ERCC6L: variants seen among roughly 807,000 people sequenced by gnomAD.
ERCC6L encodes the protein DNA excision repair protein ERCC-6-like.
A neutral mutation model predicts 20.1 loss-of-function variants in ERCC6L; 7 were observed. The observed-to-expected ratio is 0.35, with a 90% CI of 0.20 to 0.65. The LOEUF (loss-of-function observed/expected upper bound fraction) is 0.65, where lower values mean the gene tolerates loss of function less well. Among genes scored for constraint, ERCC6L ranks in the 30% least tolerant of loss-of-function variants. The pLI, the probability that ERCC6L is intolerant of heterozygous loss-of-function variation, is 0.69. For missense variants in ERCC6L, 592 were observed against 892.4 expected (o/e 0.66, Z 4.29); for synonymous variants, 278 against 331.3 (o/e 0.84, Z 1.75).
Position 72,225,949 on chromosome X carries a change from C to G in ERCC6L, c.68+12895G>C, listed in dbSNP as rs370687129. ...CTTTGCTTAAAAATTTTGGTCACAG[C>G]CCCTCTAATTATCCCTGAGGCACAA... On this transcript the variant is annotated intron_variant, in intron 1 of 1. Coordinates refer to ENST00000334463, the MANE Select transcript of ERCC6L (RefSeq NM_017669.4). Among the ~76,000 whole-genome samples the G allele has an allele frequency of 2.9e-4, 33 of 111,917 alleles. No individual in the cohort carries two copies. In the East Asian group the frequency reaches 6.7e-3, roughly 23 times the overall value.
At chrX:72,219,573 C>T (rs1186863676) in intron 1 of ERCC6L, among the ~76,000 whole-genome samples, 3 of 103,450 alleles carry the variant, frequency 2.9e-5, no homozygotes, top group Non-Finnish European at 5.9e-5. Flanking sequence ...ATAGACTAGG[C>T]GTGATAGCTC....
intron 1 of ERCC6L, 116 bp downstream of exon 1, chrX:72,238,728 C>G: frequency 1.2e-5 from 8 of 641,697 alleles, no homozygotes; most frequent in Non-Finnish European, 1.7e-5. Context: ...AGCGCGAGCG[C>G]GCGTCTCAAA....
At chrX:72,226,673 AG>A (rs200365928) in intron 1 of ERCC6L, among the ~76,000 whole-genome samples, 1,787 of 111,838 alleles carry the variant, frequency 0.016, 23 homozygotes, top group Middle Eastern at 0.028. Flanking sequence ...CGTGAGGCTG[AG>A]TATTGGGCAA....
intron 1 of ERCC6L, among the ~76,000 whole-genome samples, chrX:72,219,288 T>G (rs1355963072): frequency 9.4e-6 from 1 of 106,347 alleles, no homozygotes; most frequent in Non-Finnish European, 1.9e-5. Flanking sequence ...GTGCGGTGGC[T>G]CATGCCTGTA....
rs1194296925 is a variant in ERCC6L at position 72,207,480 on chromosome X, T to C, written c.1287A>G (p.Thr429=). The C allele has an allele frequency of 1.7e-6, 2 of 1,210,319 alleles. No individual in the cohort carries two copies. Among genetic ancestry groups the C allele is most frequent in the African/African-American group, 1.7e-5 (1 of 57,755 alleles). Residue 429 remains threonine (T), a synonymous_variant, in exon 2 of 2, where the codon ACA becomes ACG. Transcript: ENST00000334463. ...CCTCATTTCCATCTTGAGCAGAGAA[T>C]GTCCCAAGATTTAGCAAACAACAAG... The part of the protein sequence containing the change: ...ARACCLLNLG[T]FSAQDGNEGE...
intron 1 of ERCC6L, among the ~76,000 whole-genome samples, chrX:72,231,318 C>T (rs1318876969): frequency 2.7e-5 from 3 of 111,294 alleles, no homozygotes; most frequent in African/African-American, 9.8e-5. Context: ...AAACCAGGCA[C>T]GGAGAGACAA....
At chrX:72,226,312 A>G (rs921446681) in intron 1 of ERCC6L, among the ~76,000 whole-genome samples, 2 of 112,084 alleles carry the variant, frequency 1.8e-5, no homozygotes, top group African/African-American at 6.5e-5. Flanking sequence ...CAAGCAGGGT[A>G]TGCTATCATT....
intron 1 of ERCC6L, among the ~76,000 whole-genome samples, chrX:72,217,142 G>A (rs986710369): frequency 6.3e-5 from 7 of 111,900 alleles, no homozygotes; most frequent in African/African-American, 2.3e-4. Context: ...GCATGTAGGA[G>A]GATGCTTCCT....
chrX:72,223,297 G>A (rs1348911303), intron 1 of ERCC6L, among the ~76,000 whole-genome samples: 6 of 98,890 alleles, frequency 6.1e-5, no homozygotes, highest in Non-Finnish European at 2.0e-5. Context: ...CTGAGATCAC[G>A]CCATTGCACT....
chrX:72,205,337 C>T lies in ERCC6L; in HGVS notation c.3430G>A (p.Glu1144Lys), dbSNP rs144948480. The T allele has an allele frequency of 5.0e-6, 6 of 1,210,559 alleles. No homozygotes were observed. The highest frequency in any genetic ancestry group is 6.7e-6 in the Non-Finnish European group (6 of 895,395). ...GACAGTGTTTCTCCGGAAGGATCCT[C>T]TTCTGTATACTTGGAGGCTTCGCCA... ...SSGEASKYTEEDPSGETLSSE... is the reference protein window; with the variant it reads ...SSGEASKYTEKDPSGETLSSE... The change falls in exon 2 of 2, where the codon GAG (glutamate) becomes AAG (lysine). Residue 1144 changes from glutamate (E) to lysine (K), a missense_variant. Physicochemically the swap from Glu to Lys is moderately conservative, Grantham distance 56 (BLOSUM62 1). Around this residue, in one of 3 missense-constraint regions of ERCC6L, gnomAD observed 352 missense variants for 402.6 expected, o/e 0.87. Coordinates refer to ENST00000334463, the MANE Select transcript of ERCC6L (RefSeq NM_017669.4).
chrX:72,218,855 G>T (rs1161203801), intron 1 of ERCC6L, among the ~76,000 whole-genome samples: 1 of 112,251 alleles, frequency 8.9e-6, no homozygotes, highest in Non-Finnish European at 1.9e-5. Context: ...TTTTATTTAG[G>T]CCTTCTTAAA....
rs1602435090 is a variant in ERCC6L at position 72,205,200 on chromosome X, G to C, written c.3567C>G (p.Pro1189=). The C allele has an allele frequency of 8.3e-7, 1 of 1,211,209 alleles. No homozygotes were observed. The highest frequency in any genetic ancestry group is 1.7e-5 in the African/African-American group (1 of 57,689). Residue 1189 remains proline (P), a synonymous_variant, in exon 2 of 2, where the codon CCC becomes CCG. Coordinates refer to ENST00000334463, the MANE Select transcript of ERCC6L (RefSeq NM_017669.4). Reference sequence around the variant, plus strand: ...TTGTAGCCTCTGCCGCCTTATCCTGGGGAGAACCAACCAACTGTTCACCAG... The same window carrying C: ...TTGTAGCCTCTGCCGCCTTATCCTGCGGAGAACCAACCAACTGTTCACCAG... ...PLSGEQLVGS[P]QDKAAEATND...
chrX:72,217,793 G>A (rs2042894689), intron 1 of ERCC6L, among the ~76,000 whole-genome samples: 1 of 111,289 alleles, frequency 9.0e-6, no homozygotes, highest in Admixed American at 9.5e-5. Context: ...GCAAGTGCCT[G>A]AAATATGGGC....
At chrX:72,210,667 A>G (rs1162264352) in intron 1 of ERCC6L, among the ~76,000 whole-genome samples, 2 of 111,281 alleles carry the variant, frequency 1.8e-5, no homozygotes, top group Admixed American at 9.6e-5. Flanking sequence ...CACACACGCC[A>G]GCCTTTTAAA....
In ERCC6L at chrX:72,223,898, C is replaced by T. The variant is rs1184567937; in HGVS notation, c.68+14946G>A. Among the ~76,000 whole-genome samples, 4 of 111,105 alleles carry T rather than the reference C, an allele frequency of 3.6e-5. No individual in the cohort carries two copies. The East Asian group carries it at 1.1e-3, about 32-fold the overall frequency. ...CAAAGGCTTGTCCTAGCCCCTGGCC[C>T]CCTACCAAACCGTGCCCAACTTGTG... is the stretch of plus-strand genomic sequence containing the variant. On this transcript the variant is annotated intron_variant, in intron 1 of 1. Transcript: ENST00000334463.
intron 1 of ERCC6L, among the ~76,000 whole-genome samples, chrX:72,233,220 A>G (rs1030518457): frequency 1.8e-5 from 2 of 111,847 alleles, no homozygotes; most frequent in African/African-American, 6.5e-5. Context: ...TTCATGCCAA[A>G]AATATTGAAG....
intron 1 of ERCC6L, among the ~76,000 whole-genome samples, chrX:72,220,750 A>G (rs1344271840): frequency 9.0e-6 from 1 of 111,661 alleles, no homozygotes; most frequent in Non-Finnish European, 1.9e-5. Context: ...TAAAACCAAT[A>G]TATACTGTTA....
chrX:72,230,678 C>T (rs928266641), intron 1 of ERCC6L, among the ~76,000 whole-genome samples: 1 of 112,138 alleles, frequency 8.9e-6, no homozygotes, highest in Admixed American at 9.5e-5. Context: ...CATGGACATT[C>T]TGGGCTGGGC....
At chrX:72,220,864 C>T (rs1383055439) in intron 1 of ERCC6L, among the ~76,000 whole-genome samples, 3 of 112,028 alleles carry the variant, frequency 2.7e-5, no homozygotes, top group Non-Finnish European at 5.6e-5. Context: ...TGTTTCTTTT[C>T]TCTTTCTTTA....
Sources: gnomAD v4.1 joint callset for allele counts (sites outside exome capture counted in the v4.1 genomes callset) on GRCh38, gnomAD v4.1.1 for gene constraint, gnomAD v4.1.1 regional missense constraint, MANE v1.5 for transcripts, NCBI Gene and HGNC (gene_info 2026-07-23, HGNC 2026-07-21) for gene names.